The following ZNRF3 variants were observed in gnomAD, a reference collection of about 807,000 sequenced individuals.
ZNRF3 encodes the protein E3 ubiquitin-protein ligase ZNRF3.
In ZNRF3, 23 loss-of-function variants were observed where a neutral mutation model predicts 72.5. The ratio of observed to expected loss-of-function variants is 0.32; its 90% CI spans 0.23 to 0.45. The LOEUF is 0.45. ZNRF3 is among the 20% of genes least tolerant of loss of function. ZNRF3 has a pLI of 1.00. For missense variants in ZNRF3, 1,169 were observed against 1,272.1 expected, an observed-to-expected ratio of 0.92 and a Z score of 1.23; for synonymous variants, 610 against 545.3, an observed-to-expected ratio of 1.12 and a Z score of -1.65.
intron 1 of ZNRF3, among the ~76,000 whole-genome samples, chr22:28,984,936 C>T (rs949016430): frequency 2.0e-5 from 3 of 152,070 alleles, no homozygotes; most frequent in African/African-American, 7.2e-5. Context: ...ATCCCAGGGC[C>T]CTCTATCTCA....
In ZNRF3 at chr22:29,050,483, A is replaced by G. The variant is rs557500777; in HGVS notation, c.2302A>G (p.Arg768Gly). 2.8e-4 allele frequency: 451 copies of G among 1,612,798 alleles called. 7 individuals are homozygous for G. In the South Asian group the frequency reaches 4.8e-3, roughly 17 times the overall value. The change falls in exon 8 of 9, where the codon AGG (arginine) becomes GGG (glycine). Residue 768 changes from arginine (R) to glycine (G), a missense_variant. Transcript: ENST00000544604. ...CGGCCTTCACCCCGACCATTTGCCC[A>G]GGACAGATGGGGTGAAATACGAGGG... The part of the protein sequence containing the change: ...LYGLHPDHLP[R>G]TDGVKYEGLP...
At chr22:28,920,245 T>C (rs1247887927) in intron 1 of ZNRF3, among the ~76,000 whole-genome samples, 2 of 146,042 alleles carry the variant, frequency 1.4e-5, no homozygotes, top group Non-Finnish European at 3.0e-5. Context: ...GGTTTACAGG[T>C]GTGAGCCACC....
chr22:29,044,857 T>C lies in ZNRF3; in HGVS notation c.711T>C (p.Leu237=), dbSNP rs1030252232. ...VVVSLVCLIL[L]VKIKLKQRRS... ...TCTCCTTGGTCTGCCTCATCCTCCT[T>C]GTCAAAATCAAGCTGAAGCAGCGAC... Residue 237 remains leucine, a synonymous_variant, in exon 5 of 9, where the codon CTT becomes CTC. Coordinates refer to ENST00000544604, the MANE Select transcript of ZNRF3 (RefSeq NM_001206998.2). 5.0e-6 allele frequency: 8 copies of C among 1,613,874 alleles called. No individual in the cohort carries two copies. Among genetic ancestry groups the C allele is most frequent in the Non-Finnish European group, 6.8e-6 (8 of 1,180,012 alleles).
intron 1 of ZNRF3, among the ~76,000 whole-genome samples, chr22:28,984,450 G>GGT: frequency 6.6e-6 from 1 of 152,184 alleles, no homozygotes; most frequent in South Asian, 2.1e-4. Flanking sequence ...TTTTGATATA[G>GGT]ATGCAAAGTC....
At chr22:28,913,979 T>C (rs1252579279) in intron 1 of ZNRF3, among the ~76,000 whole-genome samples, 3 of 152,204 alleles carry the variant, frequency 2.0e-5, no homozygotes, top group Non-Finnish European at 4.4e-5. Context: ...TAATGTACTA[T>C]GTGTGAAAGT....
At chr22:29,027,373 C>G (rs777325308) in intron 2 of ZNRF3, among the ~76,000 whole-genome samples, 2 of 152,072 alleles carry the variant, frequency 1.3e-5, no homozygotes, top group Non-Finnish European at 2.9e-5. Context: ...CTCAGCCTCC[C>G]GAGTAGTTGG....
intron 1 of ZNRF3, among the ~76,000 whole-genome samples, chr22:28,898,552 T>C (rs1006153193): frequency 6.6e-6 from 1 of 152,246 alleles, no homozygotes; most frequent in African/African-American, 2.4e-5. Flanking sequence ...ATGTAAAATA[T>C]AATATTTTGG....
chr22:28,909,575 C>T (rs1405879112), intron 1 of ZNRF3, among the ~76,000 whole-genome samples: 2 of 152,000 alleles, frequency 1.3e-5, no homozygotes, highest in African/African-American at 2.4e-5. Context: ...CTTTAGCCCA[C>T]ATACTTTCCT....
At chr22:29,020,965 T>A (rs919204190) in intron 2 of ZNRF3, among the ~76,000 whole-genome samples, 18 of 152,008 alleles carry the variant, frequency 1.2e-4, no homozygotes, top group Non-Finnish European at 2.2e-4. Flanking sequence ...CCTGGCTGAT[T>A]TTTTGTATTT....
At chr22:29,047,097 G>A (rs900094275) in intron 6 of ZNRF3, among the ~76,000 whole-genome samples, 2 of 151,338 alleles carry the variant, frequency 1.3e-5, no homozygotes, top group Non-Finnish European at 2.9e-5. Flanking sequence ...TTTTTTTCTT[G>A]TAGCTCTTTG....
At chr22:28,961,134 T>A (rs112834240) in intron 1 of ZNRF3, among the ~76,000 whole-genome samples, 2,239 of 152,292 alleles carry the variant, frequency 0.015, 37 homozygotes, top group Middle Eastern at 0.051. Flanking sequence ...AAGGCTCACT[T>A]TCTCCTTCCA....
intron 2 of ZNRF3, among the ~76,000 whole-genome samples, chr22:29,019,663 A>G (rs2123858741): frequency 6.6e-6 from 1 of 152,306 alleles, no homozygotes; most frequent in East Asian, 1.9e-4. Flanking sequence ...GACTAGATCA[A>G]TGATTAGCAA....
intron 2 of ZNRF3, among the ~76,000 whole-genome samples, chr22:29,011,978 C>T (rs1004370946): frequency 6.6e-6 from 1 of 152,198 alleles, no homozygotes; most frequent in Non-Finnish European, 1.5e-5. Flanking sequence ...TGTGGGCCCA[C>T]CACAGCCGGG....
intron 2 of ZNRF3, among the ~76,000 whole-genome samples, chr22:28,992,403 G>A (rs1282409251): frequency 3.3e-5 from 5 of 151,990 alleles, no homozygotes; most frequent in Admixed American, 1.3e-4. Context: ...CCAGGGCTTG[G>A]ATGCCAGCGG....
chr22:29,020,370 T>C lies in ZNRF3; in HGVS notation c.427-22125T>C, dbSNP rs557917953. 2.0e-5 allele frequency among the ~76,000 whole-genome samples: 3 copies of C among 150,864 alleles called. No individual in the cohort carries two copies. In the East Asian group the frequency reaches 5.9e-4, roughly 30 times the overall value. ...CTGCCTCCTGGGTTCAAGCAATTCT[T>C]GTGCCTCAGCCTCCTGAGTAGCTGG... is the stretch of plus-strand genomic sequence containing the variant. On this transcript the variant is annotated intron_variant, in intron 2 of 8. Transcript: ENST00000544604.
At chr22:28,904,337 TAAACTC>T (rs1168433479) in intron 1 of ZNRF3, among the ~76,000 whole-genome samples, 1 of 152,242 alleles carries the variant, frequency 6.6e-6, no homozygotes, top group Non-Finnish European at 1.5e-5. Flanking sequence ...TTGAAAGAGT[TAAACTC>T]TAATTAGCTC....
chr22:28,950,013 TATTGCTTCATCTGC>T (rs975169515), intron 1 of ZNRF3, among the ~76,000 whole-genome samples: 9 of 152,246 alleles, frequency 5.9e-5, no homozygotes, highest in African/African-American at 2.2e-4. Context: ...TAATAGTTTT[TATTGCTTCATCTGC>T]ATTGCTTCAT....
intron 6 of ZNRF3, among the ~76,000 whole-genome samples, chr22:29,047,501 A>T (rs754047558): frequency 3.3e-5 from 5 of 152,226 alleles, no homozygotes; most frequent in Non-Finnish European, 7.3e-5. Context: ...GAATTTTTGC[A>T]GAATAGAATA....
At chr22:28,928,021 T>TG (rs1322321679) in intron 1 of ZNRF3, among the ~76,000 whole-genome samples, 2 of 152,238 alleles carry the variant, frequency 1.3e-5, no homozygotes, top group African/African-American at 4.8e-5. Flanking sequence ...CTTTAAATAA[T>TG]GAAGTCAAGA....
Sources: allele counts gnomAD v4.1 joint callset (sites outside exome capture counted in the v4.1 genomes callset), GRCh38; gene constraint gnomAD v4.1.1; transcripts MANE v1.5; gene names NCBI Gene and HGNC (gene_info 2026-07-23, HGNC 2026-07-21).